USP49: variants seen among roughly 807,000 people sequenced by gnomAD.
USP49 encodes ubiquitin carboxyl-terminal hydrolase 49.
USP49 carries 24 observed loss-of-function variants against 58.6 expected under a neutral mutation model. The observed-to-expected ratio is 0.41, with a 90% CI of 0.30 to 0.58. USP49 has a LOEUF of 0.58. Ranked by LOEUF, USP49 falls within the 20% of genes least tolerant of loss-of-function variation. USP49 has a pLI of 0.30. For missense variants in USP49, 703 were observed against 866.1 expected (o/e 0.81, Z 2.36); for synonymous variants, 408 against 365.1 (o/e 1.12, Z -1.34).
chr6:41,792,526 G>GC lies in USP49; in HGVS notation c.*4006dup, dbSNP rs3833453. On this transcript the variant is annotated 3_prime_UTR_variant, in exon 8 of 8. Coordinates refer to ENST00000682992, the MANE Select transcript of USP49 (RefSeq NM_001286554.2). ...TATAGTATTCATTTAAGAAGGGGTA[G>GC]CCCCCCAGCCTGATTTAAAAAGGCC... The GC allele has an allele frequency of 0.75, 114,472 of 152,074 alleles. 43,293 individuals carry two copies. The highest frequency in any genetic ancestry group is 0.82 in the East Asian group (4,269 of 5,180). 9.4% of individuals were successfully genotyped at this position (152,074 alleles called of 1,614,324 possible). A position where few individuals can be genotyped will look rare whatever the true frequency, so the allele number is the denominator to read the frequency against.
intron 3 of USP49, among the ~76,000 whole-genome samples, chr6:41,809,789 G>T (rs976422437): frequency 2.9e-4 from 40 of 135,878 alleles, no homozygotes; most frequent in Middle Eastern, 5.1e-3. Flanking sequence ...ATTGCGCCAC[G>T]GCACTCCAGC....
chr6:41,848,818 G>A (rs1054142544), intron 3 of USP49, among the ~76,000 whole-genome samples: 8 of 150,754 alleles, frequency 5.3e-5, no homozygotes, highest in Middle Eastern at 6.8e-3. Flanking sequence ...TCGCGCCACT[G>A]CACTCCAGCC....
At chr6:41,846,771 C>CT (rs961080541) in intron 3 of USP49, among the ~76,000 whole-genome samples, 1 of 151,918 alleles carries the variant, frequency 6.6e-6, no homozygotes, top group Non-Finnish European at 1.5e-5. Context: ...TGGAGGAAAC[C>CT]CCCCCCATAC....
chr6:41,830,627 G>T (rs770249317), intron 3 of USP49, among the ~76,000 whole-genome samples: 4 of 152,130 alleles, frequency 2.6e-5, no homozygotes, highest in Middle Eastern at 3.2e-3. Context: ...ACCAGTTCGA[G>T]ACCAGCCTGG....
At chr6:41,841,614 T>A (rs990656735) in intron 3 of USP49, among the ~76,000 whole-genome samples, 2 of 152,228 alleles carry the variant, frequency 1.3e-5, no homozygotes, top group African/African-American at 2.4e-5. Context: ...GGGAAGTTCA[T>A]TTTTTATTGT....
At chr6:41,885,847 A>G (rs772861349) in intron 2 of USP49, among the ~76,000 whole-genome samples, 5 of 152,156 alleles carry the variant, frequency 3.3e-5, no homozygotes, top group Non-Finnish European at 7.4e-5. Flanking sequence ...GTGCTGGGAT[A>G]ACAAGGTAAA....
At chr6:41,865,845 T>C (rs1241631441) in intron 3 of USP49, among the ~76,000 whole-genome samples, 1 of 146,428 alleles carries the variant, frequency 6.8e-6, no homozygotes, top group Admixed American at 6.8e-5. Flanking sequence ...GGTCTAACTA[T>C]GTTGCCCAGG....
In USP49 at chr6:41,806,325, C is replaced by T; in HGVS notation, c.659G>A (p.Gly220Asp). The T allele has an allele frequency of 6.5e-7, 1 of 1,539,950 alleles. No individual in the cohort carries two copies. Among genetic ancestry groups the T allele is most frequent in the Non-Finnish European group, 8.7e-7 (1 of 1,153,084 alleles). The change falls in exon 4 of 8, where the codon GGC becomes GAC. Residue 220 changes from glycine (G) to aspartate (D), a missense_variant. Gly to Asp is a moderately conservative substitution (Grantham distance 94). This residue lies in a region of USP49 where 376 missense variants were observed against 373.5 expected (regional missense o/e 1.01). Transcript: ENST00000682992. This position sits in a 1 kb window ranked among gnomAD's most constrained non-coding sequence, Gnocchi z 5.9. ...GGCGGCGGGGCGCGAGGCAGCCGGGCCCGCGTCGCGGGGCGTGTGCAGGAG... is the reference window on the plus strand; with the variant it reads ...GGCGGCGGGGCGCGAGGCAGCCGGGTCCGCGTCGCGGGGCGTGTGCAGGAG... ...RLLLHTPRDA[G>D]PAASRPAALP...
At chr6:41,860,502 GTTTA>G (rs773602486) in intron 3 of USP49, among the ~76,000 whole-genome samples, 58 of 151,776 alleles carry the variant, frequency 3.8e-4, no homozygotes, top group East Asian at 3.1e-3. Context: ...TTTATTATTT[GTTTA>G]TTTATTTATT....
intron 3 of USP49, among the ~76,000 whole-genome samples, chr6:41,814,699 T>A (rs1773318920): frequency 6.6e-6 from 1 of 152,176 alleles, no homozygotes; most frequent in South Asian, 2.1e-4. Flanking sequence ...CGCTCTCTCA[T>A]CATATTGATT....
intron 3 of USP49, among the ~76,000 whole-genome samples, chr6:41,844,467 C>T (rs1325444317): frequency 6.6e-6 from 1 of 151,948 alleles, no homozygotes. Context: ...GCGTCCGCCA[C>T]CATGCTCGGC....
intron 3 of USP49, among the ~76,000 whole-genome samples, chr6:41,851,805 A>G (rs1376445654): frequency 6.6e-6 from 1 of 151,822 alleles, no homozygotes; most frequent in Non-Finnish European, 1.5e-5. Context: ...ATACAAAAAA[A>G]TTAGCCAGGC....
intron 3 of USP49, among the ~76,000 whole-genome samples, chr6:41,867,722 A>C (rs1774344461): frequency 6.6e-6 from 1 of 152,156 alleles, no homozygotes; most frequent in Non-Finnish European, 1.5e-5. Flanking sequence ...ACTGCACTCC[A>C]GCCTGGGCGA....
At chr6:41,802,473 T>A (rs12182295) in intron 5 of USP49, among the ~76,000 whole-genome samples, 57 of 91,834 alleles carry the variant, frequency 6.2e-4, no homozygotes, top group Admixed American at 2.0e-3. Flanking sequence ...TATTTATTTT[T>A]TATTTATTTT....
chr6:41,885,580 C>T (rs1334165110), intron 2 of USP49, among the ~76,000 whole-genome samples: 3 of 152,072 alleles, frequency 2.0e-5, no homozygotes, highest in Non-Finnish European at 4.4e-5. Context: ...AAGTGGATCA[C>T]TTGAGGTCAG....
intron 7 of USP49, chr6:41,798,124 T>A (rs1772919224): frequency 6.5e-6 from 1 of 154,290 alleles, no homozygotes; most frequent in Non-Finnish European, 1.4e-5. Context: ...CGCCTCTGCC[T>A]CCCAAAGTGT....
chr6:41,856,314 G>C (rs977965452), intron 3 of USP49, among the ~76,000 whole-genome samples: 2 of 151,614 alleles, frequency 1.3e-5, no homozygotes, highest in Admixed American at 6.6e-5. Context: ...GGCGGAGCTT[G>C]CAGTGAGCCG....
chr6:41,833,777 G>C (rs1318887821), intron 3 of USP49, among the ~76,000 whole-genome samples: 2 of 152,178 alleles, frequency 1.3e-5, no homozygotes, highest in Non-Finnish European at 2.9e-5. Flanking sequence ...ACCCTAGAAA[G>C]GGCCAAATGA....
rs1461018855 is a variant in USP49, at chr6:41,791,557, T to C, written c.*4976A>G. On this transcript the variant is annotated 3_prime_UTR_variant, in exon 8 of 8. Coordinates refer to ENST00000682992, the MANE Select transcript of USP49 (RefSeq NM_001286554.2). ...GGACTTCACTATTGCCAAAGCAACA[T>C]TTTCCCCAAGGAAAGTCAATTTGAT... 1.3e-5 allele frequency: 2 copies of C among 152,230 alleles called. No homozygotes were observed. The highest frequency in any genetic ancestry group is 4.8e-5 in the African/African-American group (2 of 41,464). The allele number at this position is 152,230 out of a possible 1,614,324, so 9.4% of individuals were successfully genotyped here. A position where few individuals can be genotyped will look rare whatever the true frequency, so the allele number is the denominator to read the frequency against.
Sources: gnomAD v4.1 joint callset for allele counts (sites outside exome capture counted in the v4.1 genomes callset) on GRCh38, gnomAD v4.1.1 for gene constraint, gnomAD v4.1.1 regional missense constraint, Gnocchi (gnomAD v3.1) non-coding constraint, MANE v1.5 for transcripts, NCBI Gene and HGNC (gene_info 2026-07-23, HGNC 2026-07-21) for gene names.